Variants in MIER1 observed in about 807,000 individuals in gnomAD.
The protein encoded by MIER1 is mesoderm induction early response protein 1.
In MIER1, 40 loss-of-function variants were observed where a neutral mutation model predicts 75.7. The ratio of observed to expected loss-of-function variants is 0.53; its 90% CI spans 0.41 to 0.69. The LOEUF is 0.69. Among genes scored for constraint, MIER1 ranks in the 30% least tolerant of loss-of-function variants. MIER1 has a pLI of 0.00. For synonymous variants in MIER1, 213 were observed against 223.4 expected, an observed-to-expected ratio of 0.95 and a Z score of 0.42; for missense variants, 574 against 680.2, an observed-to-expected ratio of 0.84 and a Z score of 1.74.
At chr1:66,970,503 A>G (rs1663379817) in intron 8 of MIER1, among the ~76,000 whole-genome samples, 2 of 152,212 alleles carry the variant, frequency 1.3e-5, no homozygotes, top group Admixed American at 1.3e-4. Flanking sequence ...AATTTGCCCA[A>G]GGTCATCATA....
intron 11 of MIER1, among the ~76,000 whole-genome samples, chr1:66,974,211 T>C (rs1664239345): frequency 1.3e-5 from 2 of 152,066 alleles, no homozygotes; most frequent in Admixed American, 6.6e-5. Flanking sequence ...AATAGAGAAA[T>C]GTTTAGTTTT....
chr1:66,943,816 C>T (rs1656820946), intron 3 of MIER1, among the ~76,000 whole-genome samples: 1 of 152,192 alleles, frequency 6.6e-6, no homozygotes, highest in Non-Finnish European at 1.5e-5. Flanking sequence ...AGTACATAGA[C>T]TCTCCTTAAG....
At chr1:66,973,131 T>C (rs534469388) in intron 11 of MIER1, 140 bp downstream of exon 11, 1 of 582,886 alleles carries the variant, frequency 1.7e-6, no homozygotes, top group African/African-American at 1.9e-5. Flanking sequence ...AGTGAGTAAT[T>C]ATAGTAAGGC....
rs182913801 is a variant in MIER1 at position 66,935,979 on chromosome 1, T to C, written c.169-4049T>C. ...TCTACCTTTTTGTTATGAACAACTT[T>C]GTGGTAGTGAATGTTTTATATATAT... On this transcript the variant is annotated intron_variant, in intron 2 of 13. Transcript: ENST00000401041. Among the ~76,000 whole-genome samples the C allele has an allele frequency of 5.6e-3, 847 of 152,310 alleles. 6 individuals carry two copies. The highest frequency in any genetic ancestry group is 8.8e-3 in the Admixed American group (135 of 15,302).
intron 2 of MIER1, among the ~76,000 whole-genome samples, chr1:66,931,099 C>T (rs1653214240): frequency 6.8e-6 from 1 of 146,576 alleles, no homozygotes; most frequent in African/African-American, 2.5e-5. Context: ...CTATTCTTGT[C>T]TTCTTTCTCT....
chr1:66,925,260 G>C (rs1651252992), intron 1 of MIER1, 165 bp downstream of exon 1: 1 of 983,820 alleles, frequency 1.0e-6, no homozygotes, highest in Middle Eastern at 5.2e-4. Context: ...AACGCGCCTG[G>C]CTTGCTCTCC....
At chr1:66,963,532 AAAAC>A (rs1309390672) in intron 8 of MIER1, among the ~76,000 whole-genome samples, 1 of 152,156 alleles carries the variant, frequency 6.6e-6, no homozygotes, top group Non-Finnish European at 1.5e-5. Flanking sequence ...GAAAGGCATA[AAAAC>A]AAACGAGAGT....
At chr1:66,962,761 A>G (rs1318381804) in intron 7 of MIER1, among the ~76,000 whole-genome samples, 4 of 151,766 alleles carry the variant, frequency 2.6e-5, no homozygotes, top group African/African-American at 9.7e-5. Context: ...TACTCTGAAA[A>G]TATCTGAATT....
chr1:66,977,037 G>T (rs1664850311), intron 12 of MIER1, among the ~76,000 whole-genome samples: 1 of 151,930 alleles, frequency 6.6e-6, no homozygotes, highest in Non-Finnish European at 1.5e-5. Context: ...GAGAAGAAAT[G>T]GATCAGAACA....
intron 2 of MIER1, chr1:66,930,482 C>T (rs752772656): frequency 1.8e-4 from 265 of 1,442,338 alleles, no homozygotes; most frequent in Non-Finnish European, 2.3e-4. Flanking sequence ...TGGGCCTGGC[C>T]AGGAGAGGCC....
chr1:66,926,074 G>A, intron 1 of MIER1, 68 bp from the exon 2 acceptor site: 1 of 1,236,518 alleles, frequency 8.1e-7, no homozygotes, highest in Non-Finnish European at 1.2e-6. Context: ...TGCGAAACAG[G>A]GTGGATGGTG....
chr1:66,984,469 A>G, intron 13 of MIER1, 103 bp from the exon 14 acceptor site: 2 of 840,930 alleles, frequency 2.4e-6, no homozygotes, highest in Non-Finnish European at 3.7e-6. Context: ...TATGTATTTG[A>G]TACCTTGCTT....
chr1:66,928,294 G>T (rs1652300504), intron 2 of MIER1, among the ~76,000 whole-genome samples: 1 of 152,076 alleles, frequency 6.6e-6, no homozygotes, highest in Non-Finnish European at 1.5e-5. Context: ...ACAAGTTTAG[G>T]ATTCATTCAG....
At chr1:66,976,757 A>G in intron 12 of MIER1, 35 bp downstream of exon 12, 2 of 1,484,834 alleles carry the variant, frequency 1.3e-6, no homozygotes, top group South Asian at 2.7e-5. Flanking sequence ...CTATATATAC[A>G]TTTTTGCTAA....
In MIER1 at chr1:66,974,099, A is replaced by AT. The variant is rs879624191; in HGVS notation, c.1101+1118dup. 1.3e-3 allele frequency among the ~76,000 whole-genome samples: 200 copies of AT among 148,556 alleles called. 1 individual carries two copies. The highest frequency in any genetic ancestry group is 3.4e-3 in the Admixed American group (51 of 14,888). ...TAACTAGTTTATTCTTATTTTTATT[A>AT]TTTTTTTTTTAAGTGGGAACTGGGC... On this transcript the variant is annotated intron_variant, in intron 11 of 13. Transcript: ENST00000401041.
chr1:66,937,364 A>G (rs1200487579), intron 2 of MIER1, among the ~76,000 whole-genome samples: 2 of 152,096 alleles, frequency 1.3e-5, no homozygotes, highest in Non-Finnish European at 2.9e-5. Context: ...AAGCAGGGAG[A>G]TCACTTGAGG....
intron 2 of MIER1, chr1:66,930,260 C>G (rs917910904): frequency 6.6e-7 from 1 of 1,516,388 alleles, no homozygotes. Flanking sequence ...CTGCGCGTTC[C>G]CGCCGAGGCA....
chr1:66,970,098 A>G (rs1331690203), intron 8 of MIER1, among the ~76,000 whole-genome samples: 2 of 152,166 alleles, frequency 1.3e-5, no homozygotes, highest in Non-Finnish European at 2.9e-5. Context: ...ATCATTTGGA[A>G]TTCCACAGGC....
chr1:66,946,071 C>A, intron 3 of MIER1, 79 bp from the exon 4 acceptor site: 1 of 1,324,988 alleles, frequency 7.5e-7, no homozygotes, highest in Non-Finnish European at 1.0e-6. Flanking sequence ...CATCCAGCAT[C>A]AAATAAAAAT....
Sources: allele counts gnomAD v4.1 joint callset (sites outside exome capture counted in the v4.1 genomes callset), GRCh38; gene constraint gnomAD v4.1.1; transcripts MANE v1.5; gene names NCBI Gene and HGNC (gene_info 2026-07-23, HGNC 2026-07-21).